FUT8: variants seen among roughly 807,000 people sequenced by gnomAD.
The protein encoded by FUT8 is fucosyltransferase 8, also known as alpha-(1,6)-fucosyltransferase.
Under a neutral mutation model 71.3 loss-of-function variants are expected in FUT8, and 29 were observed. The observed-to-expected ratio is 0.41, with a 90% CI of 0.30 to 0.55. The LOEUF is 0.55. FUT8 is among the 20% of genes least tolerant of loss of function. The probability of loss-of-function intolerance (pLI) is 0.34; values close to 1 mark genes in which losing one functional copy is unlikely to be tolerated. For synonymous variants in FUT8, 254 were observed against 239.3 expected (o/e 1.06, Z -0.57); for missense variants, 544 against 702.1 (o/e 0.77, Z 2.55).
intron 9 of FUT8, among the ~76,000 whole-genome samples, chr14:65,728,468 C>T (rs892199427): frequency 1.3e-5 from 2 of 152,182 alleles, no homozygotes; most frequent in Admixed American, 1.3e-4. Context: ...GACTTATTCA[C>T]TATCATGAGA....
intron 7 of FUT8, among the ~76,000 whole-genome samples, chr14:65,691,551 G>A (rs1183104816): frequency 6.6e-6 from 1 of 152,118 alleles, no homozygotes. Flanking sequence ...TGATGAACTA[G>A]CACTGGATGT....
At chr14:65,665,393 G>C (rs1191109874) in intron 6 of FUT8, among the ~76,000 whole-genome samples, 1 of 152,124 alleles carries the variant, frequency 6.6e-6, no homozygotes, top group Non-Finnish European at 1.5e-5. Flanking sequence ...TGAATTCAGA[G>C]ATGATTCCAT....
chr14:65,608,501 A>G (rs1224642866), intron 3 of FUT8, among the ~76,000 whole-genome samples: 1 of 151,920 alleles, frequency 6.6e-6, no homozygotes, highest in Non-Finnish European at 1.5e-5. Flanking sequence ...CAAAGCAGTA[A>G]TTTACTGGTT....
At chr14:65,557,164 A>G (rs1885627647) in intron 2 of FUT8, among the ~76,000 whole-genome samples, 1 of 152,214 alleles carries the variant, frequency 6.6e-6, no homozygotes, top group Non-Finnish European at 1.5e-5. Flanking sequence ...AGATTCAGAA[A>G]AAGTACTTTG....
At chr14:65,493,780 C>G (rs573796594) in intron 2 of FUT8, among the ~76,000 whole-genome samples, 1 of 151,096 alleles carries the variant, frequency 6.6e-6, no homozygotes, top group Non-Finnish European at 1.5e-5. Flanking sequence ...TTGGAGGCCT[C>G]TTTGGGAAAA....
At chr14:65,410,828 A>C (rs1211305303), upstream of FUT8, 1 of 152,064 alleles carries the variant, frequency 6.6e-6, no homozygotes, top group Non-Finnish European at 1.5e-5. Flanking sequence ...GCCCAGGCTG[A>C]AGTGGCTACT....
intron 3 of FUT8, among the ~76,000 whole-genome samples, chr14:65,586,419 T>C (rs1259297631): frequency 1.3e-5 from 2 of 152,158 alleles, no homozygotes; most frequent in Non-Finnish European, 2.9e-5. Flanking sequence ...CAGTCTCTCT[T>C]GAAAAATATA....
the FUT8 span, among the ~76,000 whole-genome samples, chr14:65,379,406 C>T: frequency 2.0e-5 from 3 of 151,852 alleles, no homozygotes; most frequent in Non-Finnish European, 2.9e-5. Flanking sequence ...TGGTGCACAC[C>T]GTGGTCCCAG....
the FUT8 span, among the ~76,000 whole-genome samples, chr14:65,392,522 C>A: frequency 6.6e-6 from 1 of 151,798 alleles, no homozygotes; most frequent in Non-Finnish European, 1.5e-5. Flanking sequence ...TCCTGAAATA[C>A]CAGTGCAGCA....
intron 8 of FUT8, among the ~76,000 whole-genome samples, chr14:65,722,838 C>T (rs960671030): frequency 2.0e-5 from 3 of 152,186 alleles, no homozygotes; most frequent in Non-Finnish European, 4.4e-5. Context: ...ATCAAACCTT[C>T]ACTCCAGATT....
chr14:65,677,151 TGCGCGCGCGCATGC>T (rs1474623706), intron 7 of FUT8, among the ~76,000 whole-genome samples: 1 of 110,702 alleles, frequency 9.0e-6, no homozygotes, highest in Non-Finnish European at 1.8e-5. Flanking sequence ...TGTGTGTGTG[TGCGCGCGCGCATGC>T]GCGCGCACGT....
intron 2 of FUT8, among the ~76,000 whole-genome samples, chr14:65,541,918 C>G (rs1566812582): frequency 6.6e-6 from 1 of 152,150 alleles, no homozygotes; most frequent in South Asian, 2.1e-4. Flanking sequence ...TTTTCTCTTG[C>G]AATTCTTAAA....
chr14:65,736,356 A>G (rs940077190), intron 10 of FUT8, among the ~76,000 whole-genome samples: 3 of 151,376 alleles, frequency 2.0e-5, no homozygotes, highest in African/African-American at 7.3e-5. Context: ...ACATGGCTTC[A>G]TTTCAGACTG....
intron 3 of FUT8, among the ~76,000 whole-genome samples, chr14:65,569,504 A>C (rs1886366330): frequency 6.6e-6 from 1 of 151,784 alleles, no homozygotes; most frequent in South Asian, 2.1e-4. Context: ...TTAATCACAC[A>C]CAGTTAGTAA....
At chr14:65,629,266 A>C (rs959172154) in intron 5 of FUT8, among the ~76,000 whole-genome samples, 1 of 152,212 alleles carries the variant, frequency 6.6e-6, no homozygotes, top group African/African-American at 2.4e-5. Flanking sequence ...AGCTTGAACA[A>C]AAAAAGTATA....
Position 65,467,584 on chromosome 14 carries a change from C to T in FUT8, c.-228+11866C>T, listed in dbSNP as rs2066064142. Among the ~76,000 whole-genome samples, 1 of 152,164 alleles carries T rather than the reference C, an allele frequency of 6.6e-6. No homozygotes were observed. Among genetic ancestry groups the T allele is most frequent in the Admixed American group, 6.5e-5 (1 of 15,278 alleles). ...CTCCACCTCCTGGGTTCAAGCGATC[C>T]TCCTGCCTCAGCCTCCTGAGTAGCT... On this transcript the variant is annotated intron_variant, in intron 2 of 10. Coordinates refer to ENST00000673929, the MANE Select transcript of FUT8 (RefSeq NM_001371533.1). The surrounding 1 kb of genome is among the most constrained non-coding windows in gnomAD (Gnocchi z 4.1).
In FUT8 at chr14:65,669,184, G is replaced by A. The variant is rs77493478; in HGVS notation, c.598-59G>A. 59 of 1,178,530 alleles carry A rather than the reference G, an allele frequency of 5.0e-5. No individual in the cohort carries two copies. Among genetic ancestry groups the A allele is most frequent in the African/African-American group, 1.1e-4 (7 of 64,110 alleles). 73.0% of individuals were successfully genotyped at this position (1,178,530 alleles called of 1,614,324 possible). ...AAGATGAAAGATTAAAAAAAAAAAA[G>A]AGCAGTTGACCTCTCTGTACAACTT... On this transcript the variant is annotated intron_variant, in intron 6 of 10. Transcript: ENST00000673929. The surrounding 1 kb of genome is among the most constrained non-coding windows in gnomAD (Gnocchi z 4.5).
chr14:65,661,161 C>G (rs1424796861), intron 6 of FUT8, among the ~76,000 whole-genome samples: 1 of 152,106 alleles, frequency 6.6e-6, no homozygotes, highest in African/African-American at 2.4e-5. Context: ...TAGGGAGGAG[C>G]TGGAAGGATC....
chr14:65,712,675 C>T (rs943766112), intron 7 of FUT8, among the ~76,000 whole-genome samples: 2 of 152,144 alleles, frequency 1.3e-5, no homozygotes, highest in Non-Finnish European at 2.9e-5. Context: ...AAACTTCTGA[C>T]CTCAGGTGAT....
Sources: allele counts gnomAD v4.1 joint callset (sites outside exome capture counted in the v4.1 genomes callset), GRCh38; gene constraint gnomAD v4.1.1; non-coding constraint Gnocchi (gnomAD v3.1); transcripts MANE v1.5; gene names NCBI Gene and HGNC (gene_info 2026-07-23, HGNC 2026-07-21).